PTPRT: variants seen among roughly 807,000 people sequenced by gnomAD.
PTPRT encodes receptor-type tyrosine-protein phosphatase T.
PTPRT carries 56 observed loss-of-function variants against 176.8 expected under a neutral mutation model. That is an observed-to-expected ratio of 0.32 (90% CI 0.26 to 0.40). The LOEUF is 0.40. PTPRT is among the 10% of genes least tolerant of loss of function. The pLI is 1.00. For synonymous variants in PTPRT, 783 were observed against 739.0 expected, an observed-to-expected ratio of 1.06 and a Z score of -0.96; for missense variants, 1,540 against 1,908.2, an observed-to-expected ratio of 0.81 and a Z score of 3.60.
At chr20:42,358,015 A>C (rs554159608) in intron 9 of PTPRT, among the ~76,000 whole-genome samples, 1 of 152,124 alleles carries the variant, frequency 6.6e-6, no homozygotes, top group East Asian at 1.9e-4. Flanking sequence ...ACAAGGAGAC[A>C]TGACAACGAA....
chr20:42,536,356 T>C (rs1470995980), intron 7 of PTPRT, among the ~76,000 whole-genome samples: 1 of 152,194 alleles, frequency 6.6e-6, no homozygotes, highest in Non-Finnish European at 1.5e-5. Context: ...AGAAATTAAA[T>C]GATGTACCCA....
At chr20:42,995,315 T>C (rs1984161539) in intron 1 of PTPRT, among the ~76,000 whole-genome samples, 1 of 152,148 alleles carries the variant, frequency 6.6e-6, no homozygotes, top group Non-Finnish European at 1.5e-5. Context: ...AAAGTAGAAA[T>C]AACCCCACTG....
chr20:42,041,117 T>C, the PTPRT span, among the ~76,000 whole-genome samples: 1 of 152,230 alleles, frequency 6.6e-6, no homozygotes, highest in African/African-American at 2.4e-5. Context: ...TCTGTTGATC[T>C]GGGAGCAGCT....
At chr20:43,124,734 C>T (rs2013380347) in intron 1 of PTPRT, among the ~76,000 whole-genome samples, 1 of 152,156 alleles carries the variant, frequency 6.6e-6, no homozygotes, top group African/African-American at 2.4e-5. Context: ...AACAAAGATA[C>T]AGTCACCCTC....
chr20:42,178,835 G>A (rs1440764897), intron 16 of PTPRT, among the ~76,000 whole-genome samples: 3 of 152,118 alleles, frequency 2.0e-5, no homozygotes, highest in Non-Finnish European at 2.9e-5. Context: ...GCTGGCTGTT[G>A]GCTGGGCATC....
rs551680843 is a variant in PTPRT, at chr20:42,829,812, A to G, written c.215-38346T>C. On this transcript the variant is annotated intron_variant, in intron 2 of 30. Coordinates refer to ENST00000373187, the MANE Select transcript of PTPRT (RefSeq NM_007050.6). ...ATAAAAATTATCCTTAGAAACTACC[A>G]TGAACACCTCTATGCCCACAAACTA... Among the ~76,000 whole-genome samples the G allele has an allele frequency of 2.6e-5, 4 of 152,216 alleles. No individual in the cohort carries two copies. In the South Asian group the frequency reaches 8.3e-4, roughly 32 times the overall value.
Position 42,074,528 on chromosome 20 carries a change from C to T in PTPRT, c.*6351G>A, listed in dbSNP as rs1032413101. The T allele has an allele frequency of 1.6e-5, 6 of 366,126 alleles. No homozygotes were observed. Among genetic ancestry groups the T allele is most frequent in the Non-Finnish European group, 2.9e-5 (6 of 205,842 alleles). The allele number at this position is 366,126 out of a possible 1,614,324, so 22.7% of individuals were successfully genotyped here. On this transcript the variant is annotated 3_prime_UTR_variant, in exon 31 of 31. Transcript: ENST00000373187. ...GGATCAGAGTCCACATCTCACCACC[C>T]AGAGCAGTTCTCAGATATAGAAGGA...
At chr20:42,757,910 T>C (rs1600705224) in intron 5 of PTPRT, among the ~76,000 whole-genome samples, 1 of 152,344 alleles carries the variant, frequency 6.6e-6, no homozygotes, top group East Asian at 1.9e-4. Context: ...TTATCTACTA[T>C]GTGCCAGCCC....
At chr20:42,180,196 T>C (rs117420286) in intron 16 of PTPRT, among the ~76,000 whole-genome samples, 1 of 152,162 alleles carries the variant, frequency 6.6e-6, no homozygotes, top group East Asian at 1.9e-4. Flanking sequence ...TCTGAAAGGA[T>C]CTAAATTTAG....
chr20:42,823,408 G>A (rs1382084676), intron 2 of PTPRT, among the ~76,000 whole-genome samples: 1 of 151,992 alleles, frequency 6.6e-6, no homozygotes, highest in Admixed American at 6.6e-5. Flanking sequence ...GGTGAGGGGA[G>A]GGAACTTAGA....
At chr20:42,667,754 T>C (rs571474742) in intron 7 of PTPRT, among the ~76,000 whole-genome samples, 14 of 152,302 alleles carry the variant, frequency 9.2e-5, no homozygotes, top group African/African-American at 3.1e-4. Flanking sequence ...AGTGACTTTA[T>C]TCCAGAGCTA....
At chr20:42,633,220 G>A (rs2074452630) in intron 7 of PTPRT, among the ~76,000 whole-genome samples, 1 of 152,012 alleles carries the variant, frequency 6.6e-6, no homozygotes, top group Admixed American at 6.5e-5. Context: ...TTGATTCATT[G>A]GAAAATGTAT....
At chr20:42,949,423 T>G (rs148889939) in intron 1 of PTPRT, among the ~76,000 whole-genome samples, 84 of 152,342 alleles carry the variant, frequency 5.5e-4, no homozygotes, top group African/African-American at 2.0e-3. Flanking sequence ...CAGAGTGCAA[T>G]GTCAACTACC....
At chr20:43,104,135 T>C (rs878994271) in intron 1 of PTPRT, among the ~76,000 whole-genome samples, 1 of 152,204 alleles carries the variant, frequency 6.6e-6, no homozygotes, top group Admixed American at 6.5e-5. Context: ...ATTAATTGAA[T>C]GACTCATGCT....
chr20:42,520,376 G>C (rs1046160751), intron 7 of PTPRT, among the ~76,000 whole-genome samples: 5 of 151,970 alleles, frequency 3.3e-5, no homozygotes, highest in Non-Finnish European at 5.9e-5. Context: ...TACCCTTTTC[G>C]GCCCCTCAAA....
chr20:42,863,468 C>T (rs981402522), intron 2 of PTPRT, among the ~76,000 whole-genome samples: 1 of 152,164 alleles, frequency 6.6e-6, no homozygotes, highest in African/African-American at 2.4e-5. Context: ...TCATTCAATG[C>T]AGATGTTTTC....
intron 6 of PTPRT, among the ~76,000 whole-genome samples, chr20:42,742,007 C>A (rs1029358234): frequency 5.3e-5 from 8 of 152,096 alleles, no homozygotes; most frequent in Non-Finnish European, 1.2e-4. Flanking sequence ...TAACTTGGGA[C>A]AAACATTGAA....
rs1427282135 is a variant in PTPRT at position 42,161,352 on chromosome 20, C to T, written c.2682G>A (p.Glu894=). 6.2e-7 allele frequency: 1 copy of T among 1,614,118 alleles called. No individual in the cohort carries two copies. Among genetic ancestry groups the T allele is most frequent in the Non-Finnish European group, 8.5e-7 (1 of 1,180,002 alleles). Residue 894 remains glutamate, a splice_region_variant and synonymous_variant, in exon 17 of 31, where the codon GAG becomes GAA. Transcript: ENST00000373187. The stretch of plus-strand genomic sequence containing the variant: ...GTTTCCCCACAGGCTGGTCTCTTAC[C>T]TCGTATTCCTCCTTGAACCCGTAGC... The part of the protein sequence containing the change: ...GQGYGFKEEY[E]ALPEGQTASW...
intron 7 of PTPRT, among the ~76,000 whole-genome samples, chr20:42,568,177 C>A (rs1032448212): frequency 2.0e-5 from 3 of 152,072 alleles, no homozygotes; most frequent in South Asian, 4.1e-4. Flanking sequence ...CCATCTTGGG[C>A]AAGCTGGTTT....
Sources: allele counts gnomAD v4.1 joint callset (sites outside exome capture counted in the v4.1 genomes callset), GRCh38; gene constraint gnomAD v4.1.1; transcripts MANE v1.5; gene names NCBI Gene and HGNC (gene_info 2026-07-23, HGNC 2026-07-21).